The following NCOA2 variants were observed in gnomAD, a reference collection of about 807,000 sequenced individuals.
NCOA2 encodes class E basic helix-loop-helix protein 75.
Under a neutral mutation model 145.1 loss-of-function variants are expected in NCOA2, and 21 were observed. The observed-to-expected ratio is 0.14, with a 90% CI of 0.10 to 0.21. NCOA2 has a LOEUF of 0.21. NCOA2 is among the 10% of genes least tolerant of loss of function. The pLI is 1.00. For missense variants in NCOA2, 1,472 were observed against 1,837.6 expected, an observed-to-expected ratio of 0.80 and a Z score of 3.64; for synonymous variants, 619 against 637.5, an observed-to-expected ratio of 0.97 and a Z score of 0.44.
intron 1 of NCOA2, among the ~76,000 whole-genome samples, chr8:70,390,004 C>T (rs1817003125): frequency 6.6e-6 from 1 of 152,140 alleles, no homozygotes; most frequent in African/African-American, 2.4e-5. Flanking sequence ...AAATAAAAAT[C>T]CGAGTCACAT....
At chr8:70,235,470 T>A (rs1821511621) in intron 2 of NCOA2, among the ~76,000 whole-genome samples, 1 of 152,120 alleles carries the variant, frequency 6.6e-6, no homozygotes, top group Non-Finnish European at 1.5e-5. Flanking sequence ...TTTAAAAAAA[T>A]ATTTAAAAAC....
the NCOA2 span, among the ~76,000 whole-genome samples, chr8:70,441,823 GAAGAAAGA>G: frequency 8.6e-6 from 1 of 116,192 alleles, no homozygotes; most frequent in African/African-American, 3.8e-5. Flanking sequence ...AAAGAAGAAA[GAAGAAAGA>G]AAGAAAGAAA....
intron 2 of NCOA2, among the ~76,000 whole-genome samples, chr8:70,288,286 T>C (rs1826391093): frequency 6.6e-6 from 1 of 152,000 alleles, no homozygotes; most frequent in South Asian, 2.1e-4. Context: ...CTTTTAAAAA[T>C]ATGGAGGAAA....
Position 70,338,760 on chromosome 8 carries a change from T to A in NCOA2, c.-76-41960A>T, listed in dbSNP as rs191281600. Among the ~76,000 whole-genome samples, 3 of 152,216 alleles carry A rather than the reference T, an allele frequency of 2.0e-5. No homozygotes were observed. In the East Asian group the frequency reaches 5.8e-4, roughly 29 times the overall value. On this transcript the variant is annotated intron_variant, in intron 1 of 22. Transcript: ENST00000452400. ...CACCAGGATCAAGGTGGCTTCAAGG[T>A]ATGCTTCATCCCCAGGGTGCAAGGT...
At chr8:70,169,858 T>A (rs1209117173) in intron 6 of NCOA2, among the ~76,000 whole-genome samples, 1 of 151,816 alleles carries the variant, frequency 6.6e-6, no homozygotes. Flanking sequence ...CAATTTCTGT[T>A]CATTTATCAT....
the NCOA2 span, among the ~76,000 whole-genome samples, chr8:70,421,601 T>C: frequency 6.0e-5 from 9 of 149,214 alleles, no homozygotes; most frequent in Admixed American, 6.6e-5. Context: ...TATACGATAA[T>C]AATTCCGAAA....
In NCOA2 at chr8:70,198,141, T is replaced by G. The variant is rs954950343; in HGVS notation, c.259+15762A>C. 3.9e-5 allele frequency among the ~76,000 whole-genome samples: 6 copies of G among 152,272 alleles called. No homozygotes were observed. The East Asian group carries it at 1.2e-3, about 29-fold the overall frequency. On this transcript the variant is annotated intron_variant, in intron 4 of 22. Coordinates refer to ENST00000452400, the MANE Select transcript of NCOA2 (RefSeq NM_006540.4). The stretch of plus-strand genomic sequence containing the variant: ...ATAAATGCTTATTAAGTATCTCTTA[T>G]GTACAAGACAGGTAAAAGGGTATAA...
At chr8:70,161,659 T>C (rs753851207) in intron 9 of NCOA2, among the ~76,000 whole-genome samples, 44 of 152,200 alleles carry the variant, frequency 2.9e-4, no homozygotes, top group Middle Eastern at 3.2e-3. Context: ...AGGTGGATGA[T>C]GACAAACTGA....
chr8:70,396,798 T>C (rs1813714216), intron 1 of NCOA2, among the ~76,000 whole-genome samples: 1 of 152,216 alleles, frequency 6.6e-6, no homozygotes, highest in Admixed American at 6.5e-5. Context: ...TCATCCTTCT[T>C]ACGGACTTAA....
chr8:70,359,636 G>A (rs1470344497), intron 1 of NCOA2, among the ~76,000 whole-genome samples: 2 of 152,130 alleles, frequency 1.3e-5, no homozygotes, highest in Admixed American at 6.5e-5. Context: ...AGGAACTAGA[G>A]AGAGGTGGTG....
intron 2 of NCOA2, among the ~76,000 whole-genome samples, chr8:70,238,223 CAT>C (rs371915528): frequency 5.9e-5 from 9 of 152,216 alleles, no homozygotes; most frequent in East Asian, 3.9e-4. Flanking sequence ...AAATACACCA[CAT>C]GTGTTAAAGG....
At chr8:70,256,139 C>G (rs1175853163) in intron 2 of NCOA2, among the ~76,000 whole-genome samples, 4 of 152,098 alleles carry the variant, frequency 2.6e-5, no homozygotes, top group Non-Finnish European at 5.9e-5. Context: ...GAAAACCTTC[C>G]CTAGCAAGAG....
At chr8:70,437,703 G>C in the NCOA2 span, among the ~76,000 whole-genome samples, 1 of 152,104 alleles carries the variant, frequency 6.6e-6, no homozygotes, top group Non-Finnish European at 1.5e-5. Context: ...ACTTACAGTA[G>C]TCACAGTCTC....
upstream of NCOA2, among the ~76,000 whole-genome samples, chr8:70,407,721 G>C (rs558743038): frequency 6.6e-6 from 1 of 151,966 alleles, no homozygotes; most frequent in Non-Finnish European, 1.5e-5. Flanking sequence ...TGTTTGAACC[G>C]GGAGGCGGAG....
the NCOA2 span, among the ~76,000 whole-genome samples, chr8:70,441,808 GA>G: frequency 2.2e-3 from 148 of 68,124 alleles, 1 homozygote; most frequent in African/African-American, 7.3e-3. Context: ...AAGAAAGAAA[GA>G]AAGAAAGAAG....
chr8:70,258,145 G>T (rs1823803223), intron 2 of NCOA2, among the ~76,000 whole-genome samples: 1 of 152,110 alleles, frequency 6.6e-6, no homozygotes, highest in African/African-American at 2.4e-5. Flanking sequence ...TTTAACTCAT[G>T]AGCTCAAGTG....
intron 22 of NCOA2, among the ~76,000 whole-genome samples, chr8:70,114,187 C>G (rs1456980469): frequency 6.6e-6 from 1 of 151,994 alleles, no homozygotes; most frequent in Non-Finnish European, 1.5e-5. Context: ...GGTTTTGACT[C>G]CTGGGGTTTT....
chr8:70,360,942 CAAA>C (rs1213854420), intron 1 of NCOA2, among the ~76,000 whole-genome samples: 6 of 55,310 alleles, frequency 1.1e-4, no homozygotes, highest in Admixed American at 1.9e-4. Context: ...GATTCCAGCT[CAAA>C]AAAAAAAAAA....
At chr8:70,387,243 G>A (rs11780994) in intron 1 of NCOA2, among the ~76,000 whole-genome samples, 1 of 152,106 alleles carries the variant, frequency 6.6e-6, no homozygotes, top group Non-Finnish European at 1.5e-5. Context: ...ATAACACACT[G>A]TAGCCTCAAA....
Sources: allele counts gnomAD v4.1 joint callset (sites outside exome capture counted in the v4.1 genomes callset), GRCh38; gene constraint gnomAD v4.1.1; transcripts MANE v1.5; gene names NCBI Gene and HGNC (gene_info 2026-07-23, HGNC 2026-07-21).